The following SPIRE1 variants were observed in gnomAD, a reference collection of about 807,000 sequenced individuals.
The protein encoded by SPIRE1 is protein spire homolog 1.
Under a neutral mutation model 94.1 loss-of-function variants are expected in SPIRE1, and 40 were observed. The ratio of observed to expected loss-of-function variants is 0.43; its 90% CI spans 0.33 to 0.55. SPIRE1 has a LOEUF of 0.55. SPIRE1 is among the 20% of genes least tolerant of loss of function. The pLI, the probability that SPIRE1 is intolerant of heterozygous loss-of-function variation, is 0.06. For missense variants in SPIRE1, 838 were observed against 975.2 expected, an observed-to-expected ratio of 0.86 and a Z score of 1.87; for synonymous variants, 376 against 371.7, an observed-to-expected ratio of 1.01 and a Z score of -0.13.
chr18:12,463,361 G>C lies in SPIRE1; in HGVS notation c.1628C>G (p.Ser543Cys), dbSNP rs370674022. The change falls in exon 12 of 17, where the codon TCC becomes TGC. Residue 543 changes from serine to cysteine, a missense_variant. Around this residue, in one of 2 missense-constraint regions of SPIRE1, gnomAD observed 645 missense variants for 804.7 expected, o/e 0.80. Coordinates refer to ENST00000409402, the MANE Select transcript of SPIRE1 (RefSeq NM_001128626.2). ...RQFLPPSRQS[S>C]RSLEEFCYPV... ...CTTTCCTGTACTTACAAGAGAGCGG[G>C]AACTCTGCCTGGAAGGCGGCAGGAA... is the stretch of plus-strand genomic sequence containing the variant. 2.5e-6 allele frequency: 4 copies of C among 1,613,202 alleles called. No individual in the cohort carries two copies. The highest frequency in any genetic ancestry group is 3.4e-6 in the Non-Finnish European group (4 of 1,179,500).
intron 4 of SPIRE1, among the ~76,000 whole-genome samples, chr18:12,517,109 A>G (rs573662331): frequency 6.6e-6 from 1 of 152,348 alleles, no homozygotes; most frequent in Admixed American, 6.5e-5. Context: ...GCAAATAATA[A>G]TAGCTATCTT....
intron 2 of SPIRE1, among the ~76,000 whole-genome samples, chr18:12,608,955 A>AT (rs927895732): frequency 1.3e-5 from 2 of 152,020 alleles, no homozygotes; most frequent in Non-Finnish European, 2.9e-5. Flanking sequence ...ACGGAAGACA[A>AT]TTTTTCCACA....
intron 2 of SPIRE1, among the ~76,000 whole-genome samples, chr18:12,561,026 A>G (rs950585487): frequency 6.6e-6 from 1 of 152,238 alleles, no homozygotes; most frequent in Non-Finnish European, 1.5e-5. Flanking sequence ...GAAGTGATGG[A>G]GACCCCATTA....
At chr18:12,506,744 T>C in intron 5 of SPIRE1, 103 bp from the exon 6 acceptor site, 1 of 1,145,594 alleles carries the variant, frequency 8.7e-7, no homozygotes, top group Non-Finnish European at 1.3e-6. Context: ...TACAAAACAA[T>C]GAGTAAACCA....
At chr18:12,618,204 C>A (rs890844019) in intron 2 of SPIRE1, among the ~76,000 whole-genome samples, 1 of 151,904 alleles carries the variant, frequency 6.6e-6, no homozygotes, top group Admixed American at 6.6e-5. Flanking sequence ...CAGGTTCACG[C>A]CATTCTCCTG....
intron 2 of SPIRE1, among the ~76,000 whole-genome samples, chr18:12,557,115 G>A (rs1043697064): frequency 6.6e-6 from 1 of 152,220 alleles, no homozygotes; most frequent in African/African-American, 2.4e-5. Context: ...GCTGCGGGTG[G>A]AGCTGCCCAC....
chr18:12,576,041 T>C (rs990065779), intron 2 of SPIRE1, among the ~76,000 whole-genome samples: 5 of 151,866 alleles, frequency 3.3e-5, no homozygotes, highest in African/African-American at 7.3e-5. Flanking sequence ...CCGTCTCTAC[T>C]AAAAATACAA....
At chr18:12,620,538 A>C (rs1336237503) in intron 2 of SPIRE1, among the ~76,000 whole-genome samples, 2 of 152,348 alleles carry the variant, frequency 1.3e-5, no homozygotes, top group South Asian at 4.1e-4. Context: ...AATCAGGGTG[A>C]TAATACCATC....
chr18:12,484,024 G>T (rs1447355596), intron 9 of SPIRE1, among the ~76,000 whole-genome samples: 1 of 152,180 alleles, frequency 6.6e-6, no homozygotes, highest in East Asian at 1.9e-4. Context: ...AGAAATTTAA[G>T]TACCAAGAGT....
chr18:12,488,046 C>T (rs1183783360), intron 8 of SPIRE1, among the ~76,000 whole-genome samples: 1 of 152,184 alleles, frequency 6.6e-6, no homozygotes, highest in Non-Finnish European at 1.5e-5. Flanking sequence ...ATTGGCCATT[C>T]TTCCCTTCCT....
At chr18:12,542,993 A>C (rs528184653) in intron 3 of SPIRE1, among the ~76,000 whole-genome samples, 1 of 152,008 alleles carries the variant, frequency 6.6e-6, no homozygotes, top group Non-Finnish European at 1.5e-5. Flanking sequence ...TGCCCAGCTA[A>C]TTTTTTGTAT....
intron 2 of SPIRE1, among the ~76,000 whole-genome samples, chr18:12,558,170 T>C (rs764446330): frequency 6.6e-6 from 1 of 152,008 alleles, no homozygotes; most frequent in African/African-American, 2.4e-5. Context: ...GTGCCCGGAG[T>C]TTCTTCCTTC....
intron 2 of SPIRE1, among the ~76,000 whole-genome samples, chr18:12,623,711 CT>C (rs2037541051): frequency 6.6e-6 from 1 of 152,288 alleles, no homozygotes; most frequent in Admixed American, 6.5e-5. Flanking sequence ...TCACTGCAAC[CT>C]CCACCTCCCA....
chr18:12,634,264 A>T (rs577200270), intron 2 of SPIRE1, among the ~76,000 whole-genome samples: 89 of 88,062 alleles, frequency 1.0e-3, no homozygotes, highest in African/African-American at 2.4e-3. Context: ...AAAATAAAAA[A>T]AAAAAAAAAT....
chr18:12,536,305 C>T (rs754553113), intron 3 of SPIRE1, among the ~76,000 whole-genome samples: 2 of 152,118 alleles, frequency 1.3e-5, no homozygotes, highest in Non-Finnish European at 2.9e-5. Flanking sequence ...GTCGTATATA[C>T]AACATAATAC....
intron 4 of SPIRE1, among the ~76,000 whole-genome samples, chr18:12,514,250 T>C (rs979135222): frequency 2.6e-5 from 4 of 152,192 alleles, no homozygotes; most frequent in Non-Finnish European, 5.9e-5. Context: ...ACCTCATATC[T>C]GTTACACACT....
chr18:12,555,350 TAAAAAAGAAAAATA>T (rs2035474759), intron 2 of SPIRE1, among the ~76,000 whole-genome samples: 2 of 151,416 alleles, frequency 1.3e-5, no homozygotes, highest in South Asian at 4.2e-4. Context: ...ACCTAATTAT[TAAAAAAGAAAAATA>T]AAAAAAGAAA....
At chr18:12,594,081 G>A (rs2036607884) in intron 2 of SPIRE1, among the ~76,000 whole-genome samples, 2 of 152,154 alleles carry the variant, frequency 1.3e-5, no homozygotes, top group South Asian at 2.1e-4. Context: ...TCCGGGAAAC[G>A]ATCCAAGAAG....
chr18:12,450,733 G>A (rs968858205), intron 16 of SPIRE1: 30 of 669,000 alleles, frequency 4.5e-5, no homozygotes, highest in African/African-American at 1.1e-4. Flanking sequence ...AAAAGCCACC[G>A]TCTGGATTCT....
Sources: allele counts gnomAD v4.1 joint callset (sites outside exome capture counted in the v4.1 genomes callset), GRCh38; gene constraint gnomAD v4.1.1; regional missense constraint gnomAD v4.1.1; transcripts MANE v1.5; gene names NCBI Gene and HGNC (gene_info 2026-07-23, HGNC 2026-07-21).